Variants in DGKI observed in about 807,000 individuals in gnomAD.
DGKI encodes DAG kinase iota.
In DGKI, 55 loss-of-function variants were observed where a neutral mutation model predicts 147.5. That is an observed-to-expected ratio of 0.37 (90% CI 0.30 to 0.47). DGKI has a LOEUF of 0.47. Among genes scored for constraint, DGKI ranks in the 20% least tolerant of loss-of-function variants. The pLI is 1.00. For synonymous variants in DGKI, 469 were observed against 477.1 expected (o/e 0.98, Z 0.22); for missense variants, 1,007 against 1,323.8 (o/e 0.76, Z 3.71).
At chr7:137,669,689 T>C (rs982627673) in intron 3 of DGKI, among the ~76,000 whole-genome samples, 3 of 152,170 alleles carry the variant, frequency 2.0e-5, no homozygotes, top group African/African-American at 7.2e-5. Context: ...ATAAGACACA[T>C]GCATTTTGGC....
chr7:137,649,760 T>G (rs535116786), intron 5 of DGKI, among the ~76,000 whole-genome samples: 1 of 147,876 alleles, frequency 6.8e-6, no homozygotes, highest in Non-Finnish European at 1.5e-5. Context: ...AATAAAAAAT[T>G]TTATATATAT....
intron 1 of DGKI, among the ~76,000 whole-genome samples, chr7:137,733,705 C>A (rs764399107): frequency 2.6e-5 from 4 of 151,896 alleles, no homozygotes; most frequent in Non-Finnish European, 5.9e-5. Flanking sequence ...AAATCATGGG[C>A]GTGACAGAAG....
chr7:137,435,936 T>A (rs992806387), intron 28 of DGKI, among the ~76,000 whole-genome samples: 17 of 152,118 alleles, frequency 1.1e-4, no homozygotes, highest in African/African-American at 4.1e-4. Context: ...TGCACCATCA[T>A]GTCAGGCTTA....
At chr7:137,838,535 A>C (rs550120643) in intron 1 of DGKI, among the ~76,000 whole-genome samples, 3 of 152,272 alleles carry the variant, frequency 2.0e-5, no homozygotes, top group Admixed American at 2.0e-4. Flanking sequence ...TTTTCCTTAC[A>C]AGCCTGACAT....
intron 1 of DGKI, among the ~76,000 whole-genome samples, chr7:137,716,569 G>C (rs967845961): frequency 6.6e-6 from 1 of 152,144 alleles, no homozygotes; most frequent in South Asian, 2.1e-4. Context: ...TTCTCTCAAC[G>C]ATCTTTAAAA....
chr7:137,552,205 GA>G (rs947709048), intron 20 of DGKI, among the ~76,000 whole-genome samples, 163 bp downstream of exon 20: 4 of 151,978 alleles, frequency 2.6e-5, no homozygotes, highest in Non-Finnish European at 4.4e-5. Flanking sequence ...TAAACAAGGA[GA>G]AAAAAACTCT....
At chr7:137,596,001 CAAAAAAAAAAAAAAAAAAAAAAA>C (rs71177914) in intron 12 of DGKI, among the ~76,000 whole-genome samples, 3 of 44,364 alleles carry the variant, frequency 6.8e-5, no homozygotes, top group African/African-American at 1.7e-4. Flanking sequence ...GACTCCGTCT[CAAAAAAAAAAAAAAAAAAAAAAA>C]AAAAAAAAAG....
intron 19 of DGKI, among the ~76,000 whole-genome samples, chr7:137,569,719 A>C (rs1421451932): frequency 9.8e-6 from 1 of 102,522 alleles, no homozygotes. Flanking sequence ...ACAGAGTGAG[A>C]CTCTGTCTCA....
At position 137,422,595 on chromosome 7, in the gene DGKI, C is replaced by CTTTTT. The variant is rs60494368; in HGVS notation, c.2762-10393_2762-10389dup. Among the ~76,000 whole-genome samples the CTTTTT allele has an allele frequency of 5.5e-3, 343 of 62,032 alleles. 6 individuals carry two copies. Among genetic ancestry groups the CTTTTT allele is most frequent in the African/African-American group, 8.9e-3 (138 of 15,422 alleles). 40.7% of individuals were successfully genotyped at this position (62,032 alleles called of 152,430 possible). On this transcript the variant is annotated intron_variant, in intron 28 of 32. Coordinates refer to ENST00000614521, the MANE Select transcript of DGKI (RefSeq NM_001321708.2). Reference sequence around the variant, plus strand: ...TTGTAAAGCATTTTCTTTTTCTTTTCTTTTTTTTTTTTTTTTTTTTTTTTT... The same window carrying CTTTTT: ...TTGTAAAGCATTTTCTTTTTCTTTTCTTTTTTTTTTTTTTTTTTTTTTTTTTTTTT...
At chr7:137,669,984 T>G (rs1822784513) in intron 3 of DGKI, among the ~76,000 whole-genome samples, 1 of 152,200 alleles carries the variant, frequency 6.6e-6, no homozygotes, top group African/African-American at 2.4e-5. Context: ...GGGGAAATTA[T>G]GGGTTCCACA....
intron 27 of DGKI, among the ~76,000 whole-genome samples, chr7:137,449,754 T>C (rs770321566): frequency 5.9e-5 from 9 of 152,154 alleles, no homozygotes; most frequent in Non-Finnish European, 1.3e-4. Context: ...TACCATATGA[T>C]TCAGCAATCA....
intron 12 of DGKI, among the ~76,000 whole-genome samples, chr7:137,594,736 G>A (rs3800611): frequency 0.048 from 7,268 of 151,952 alleles, 409 homozygotes; most frequent in African/African-American, 0.13. Flanking sequence ...CTCTGCCTCC[G>A]CCCACAATTA....
intron 21 of DGKI, chr7:137,493,903 TA>T: frequency 1.6e-6 from 1 of 618,130 alleles, no homozygotes. Context: ...AGGAGAAAGT[TA>T]ACACCCAATC....
chr7:137,483,442 T>C (rs1250574079), intron 23 of DGKI, among the ~76,000 whole-genome samples: 1 of 152,114 alleles, frequency 6.6e-6, no homozygotes. Context: ...GCTTTTTTTA[T>C]TTTAATTTTT....
rs559843614 is a variant in DGKI, at chr7:137,724,635, T to G, written c.402-34633A>C. Among the ~76,000 whole-genome samples the G allele has an allele frequency of 3.9e-5, 6 of 152,252 alleles. No homozygotes were observed. The East Asian group carries it at 1.2e-3, about 29-fold the overall frequency. ...TGACTCAAGGTCCCAGGACAAATGGTGGTACATTTACTGAGATGGGGACAT... is the reference window on the plus strand; with the variant it reads ...TGACTCAAGGTCCCAGGACAAATGGGGGTACATTTACTGAGATGGGGACAT... On this transcript the variant is annotated intron_variant, in intron 1 of 32. Transcript: ENST00000614521.
At chr7:137,619,520 CT>C (rs2128997060) in intron 8 of DGKI, among the ~76,000 whole-genome samples, 1 of 152,256 alleles carries the variant, frequency 6.6e-6, no homozygotes, top group East Asian at 1.9e-4. Context: ...ATACCCACCA[CT>C]AGTACTCAAT....
At chr7:137,762,132 G>A (rs1338385498) in intron 1 of DGKI, among the ~76,000 whole-genome samples, 1 of 152,178 alleles carries the variant, frequency 6.6e-6, no homozygotes, top group Non-Finnish European at 1.5e-5. Context: ...ACGGTAGCCA[G>A]AACAGCCCAC....
intron 1 of DGKI, among the ~76,000 whole-genome samples, chr7:137,841,407 GA>G (rs1279323129): frequency 6.6e-5 from 10 of 152,072 alleles, no homozygotes; most frequent in Non-Finnish European, 1.2e-4. Flanking sequence ...AAATTTTAAT[GA>G]AAAAAAGTTT....
At chr7:137,658,797 G>C (rs1252934813) in intron 3 of DGKI, among the ~76,000 whole-genome samples, 1 of 152,212 alleles carries the variant, frequency 6.6e-6, no homozygotes, top group Non-Finnish European at 1.5e-5. Context: ...TGGGCTAGAA[G>C]AATTTGAGAA....
Sources: allele counts gnomAD v4.1 joint callset (sites outside exome capture counted in the v4.1 genomes callset), GRCh38; gene constraint gnomAD v4.1.1; transcripts MANE v1.5; gene names NCBI Gene and HGNC (gene_info 2026-07-23, HGNC 2026-07-21).